The following EPB41 variants were observed in gnomAD, a reference collection of about 807,000 sequenced individuals.
The protein encoded by EPB41 is protein 4.1.
Under a neutral mutation model 108.0 loss-of-function variants are expected in EPB41, and 65 were observed. The observed-to-expected ratio is 0.60, with a 90% CI of 0.49 to 0.74. The LOEUF (loss-of-function observed/expected upper bound fraction) is 0.74, where lower values mean the gene tolerates loss of function less well. Among genes scored for constraint, EPB41 ranks in the 30% least tolerant of loss-of-function variants. The pLI, the probability that EPB41 is intolerant of heterozygous loss-of-function variation, is 0.00. For missense variants in EPB41, 875 were observed against 1,037.0 expected, an observed-to-expected ratio of 0.84 and a Z score of 2.15; for synonymous variants, 336 against 358.9, an observed-to-expected ratio of 0.94 and a Z score of 0.72.
At chr1:28,894,722 G>T (rs900705768) in intron 1 of EPB41, among the ~76,000 whole-genome samples, 1 of 152,118 alleles carries the variant, frequency 6.6e-6, no homozygotes, top group African/African-American at 2.4e-5. Context: ...CCTGAGTCTT[G>T]GAGACCTCAT....
At chr1:28,902,234 G>A (rs1570179205) in intron 1 of EPB41, 1 of 985,370 alleles carries the variant, frequency 1.0e-6, no homozygotes, top group African/African-American at 1.7e-5. Flanking sequence ...TCAACCCTGA[G>A]GCTCTTTTGC....
chr1:28,928,465 A>G (rs780930016), intron 1 of EPB41, among the ~76,000 whole-genome samples: 2 of 152,238 alleles, frequency 1.3e-5, no homozygotes, highest in Non-Finnish European at 2.9e-5. Context: ...CAGAAGAGAA[A>G]CACAAACAGT....
At chr1:29,059,550 A>G (rs1344707487) in intron 14 of EPB41, among the ~76,000 whole-genome samples, 1 of 152,018 alleles carries the variant, frequency 6.6e-6, no homozygotes, top group African/African-American at 2.4e-5. Context: ...TCAAGGCAAG[A>G]GGATCCCTTG....
chr1:29,064,936 T>C, intron 15 of EPB41, 46 bp from the exon 16 acceptor site: 1 of 1,612,064 alleles, frequency 6.2e-7, no homozygotes, highest in Non-Finnish European at 8.5e-7. Flanking sequence ...TTATGTTCTT[T>C]GTCCTGATTG....
chr1:29,098,063 A>T (rs1663849931), intron 17 of EPB41, 128 bp downstream of exon 17: 1 of 1,351,366 alleles, frequency 7.4e-7, no homozygotes, highest in Non-Finnish European at 1.0e-6. Context: ...TTTAGAAGAG[A>T]TTACTGGTCT....
chr1:28,994,422 C>T (rs1017821266), intron 3 of EPB41, among the ~76,000 whole-genome samples: 4 of 152,032 alleles, frequency 2.6e-5, no homozygotes, highest in East Asian at 1.9e-4. Context: ...CTGCCCGCCT[C>T]GGCCTCCCAA....
At chr1:29,081,025 AGCAAGAGATT>A (rs1451246761) in intron 16 of EPB41, among the ~76,000 whole-genome samples, 1 of 152,220 alleles carries the variant, frequency 6.6e-6, no homozygotes, top group Non-Finnish European at 1.5e-5. Context: ...TCAGCCGATC[AGCAAGAGATT>A]GCTGTCAGCT....
At chr1:29,104,622 C>T (rs1427074414) in intron 17 of EPB41, among the ~76,000 whole-genome samples, 1 of 151,762 alleles carries the variant, frequency 6.6e-6, no homozygotes, top group African/African-American at 2.4e-5. Context: ...CTCGCTCTGT[C>T]ACCTGGCCTG....
At chr1:28,939,670 T>C (rs1464053670) in intron 1 of EPB41, among the ~76,000 whole-genome samples, 1 of 152,142 alleles carries the variant, frequency 6.6e-6, no homozygotes, top group Non-Finnish European at 1.5e-5. Context: ...CTAGAACTCC[T>C]GACCTCAGGT....
chr1:29,080,149 C>T (rs547125653), intron 16 of EPB41, among the ~76,000 whole-genome samples: 7 of 139,194 alleles, frequency 5.0e-5, no homozygotes, highest in African/African-American at 1.8e-4. Context: ...GACGGACCTT[C>T]GTTCTGTAGC....
At chr1:28,900,961 A>C (rs58819283) in intron 1 of EPB41, among the ~76,000 whole-genome samples, 2 of 151,522 alleles carry the variant, frequency 1.3e-5, no homozygotes, top group Admixed American at 6.6e-5. Flanking sequence ...ACGGAATCTC[A>C]CTCTGTTACC....
At chr1:29,041,251 A>G (rs1269351078) in intron 11 of EPB41, 1 of 152,250 alleles carries the variant, frequency 6.6e-6, no homozygotes, top group Admixed American at 6.5e-5. Flanking sequence ...AGCCCGAGGC[A>G]GGAGGATCAC....
At chr1:29,044,117 C>T (rs1642457294) in intron 11 of EPB41, among the ~76,000 whole-genome samples, 1 of 152,178 alleles carries the variant, frequency 6.6e-6, no homozygotes, top group Non-Finnish European at 1.5e-5. Flanking sequence ...TCAGGCATCT[C>T]CCTCCTTGTC....
At chr1:28,940,407 T>C (rs1332093781) in intron 1 of EPB41, among the ~76,000 whole-genome samples, 1 of 152,172 alleles carries the variant, frequency 6.6e-6, no homozygotes, top group Non-Finnish European at 1.5e-5. Flanking sequence ...ATCCCAGCAC[T>C]TTGGGAGGCC....
chr1:29,019,974 A>G (rs1280851809), intron 7 of EPB41, among the ~76,000 whole-genome samples: 4 of 152,182 alleles, frequency 2.6e-5, no homozygotes, highest in African/African-American at 4.8e-5. Flanking sequence ...TTCCAGTACC[A>G]ATGTCTGGAG....
chr1:29,063,165 G>A (rs1301875329), intron 15 of EPB41, among the ~76,000 whole-genome samples: 2 of 152,144 alleles, frequency 1.3e-5, no homozygotes, highest in African/African-American at 2.4e-5. Context: ...TGCCTGGTGG[G>A]TCTGGTTGCT....
intron 1 of EPB41, among the ~76,000 whole-genome samples, chr1:28,975,956 AAAAAAG>A (rs898271614): frequency 2.0e-5 from 3 of 150,878 alleles, no homozygotes; most frequent in Admixed American, 6.6e-5. Context: ...AAAAAAAAAA[AAAAAAG>A]AAAGAAAGAA....
At chr1:28,997,362 A>G in intron 4 of EPB41, 43 bp downstream of exon 4, 1 of 1,202,076 alleles carries the variant, frequency 8.3e-7, no homozygotes, top group Non-Finnish European at 1.2e-6. Context: ...CAAAAAATTT[A>G]TTTTAATTCT....
chr1:28,945,208 T>C (rs527739780), intron 1 of EPB41, among the ~76,000 whole-genome samples: 53 of 152,196 alleles, frequency 3.5e-4, no homozygotes, highest in Non-Finnish European at 4.4e-4. Context: ...TGAATTATGC[T>C]ATAATTGCCC....
Sources: gnomAD v4.1 joint callset for allele counts (sites outside exome capture counted in the v4.1 genomes callset) on GRCh38, gnomAD v4.1.1 for gene constraint, MANE v1.5 for transcripts, NCBI Gene and HGNC (gene_info 2026-07-23, HGNC 2026-07-21) for gene names.